The following PTN variants were observed in gnomAD, a reference collection of about 807,000 sequenced individuals.
PTN encodes pleiotrophin.
A neutral mutation model predicts 24.1 loss-of-function variants in PTN; 18 were observed. The observed-to-expected ratio is 0.75, with a 90% CI of 0.52 to 1.11. The LOEUF is 1.11. Among genes scored for constraint, PTN ranks in the 50% least tolerant of loss-of-function variants. The pLI is 0.00. For missense variants in PTN, 163 were observed against 198.8 expected (o/e 0.82, Z 1.08); for synonymous variants, 78 against 68.6 (o/e 1.14, Z -0.67).
chr7:137,267,368 G>C lies in PTN; in HGVS notation c.-1-12394C>G, dbSNP rs144933186. On this transcript the variant is annotated intron_variant, in intron 1 of 4. Coordinates refer to ENST00000348225, the MANE Select transcript of PTN (RefSeq NM_002825.7). ...TGGTCTTTCCTTGCCTCTGCCAGCC[G>C]CTTATGCTGCTGTTCTCTTAACTAC... Among the ~76,000 whole-genome samples the C allele has an allele frequency of 7.7e-3, 1,172 of 151,496 alleles. 9 individuals are homozygous for C. Among genetic ancestry groups the C allele is most frequent in the Middle Eastern group, 0.027 (8 of 294 alleles).
At chr7:137,258,932 C>T (rs6969972) in intron 1 of PTN, among the ~76,000 whole-genome samples, 6,831 of 151,896 alleles carry the variant, frequency 0.045, 528 homozygotes, top group African/African-American at 0.16. Flanking sequence ...TAAAATAGTG[C>T]GAGAATAAAG....
chr7:137,242,102 T>C (rs1808638595), intron 4 of PTN, among the ~76,000 whole-genome samples: 2 of 152,196 alleles, frequency 1.3e-5, no homozygotes, highest in African/African-American at 2.4e-5. Context: ...AGAATCTATT[T>C]AGCTGGGGAG....
At chr7:137,343,147 G>T (rs1585052868) in intron 1 of PTN, among the ~76,000 whole-genome samples, 1 of 152,230 alleles carries the variant, frequency 6.6e-6, no homozygotes. Context: ...ACCCTGTCTT[G>T]CTCTCCAGCT....
At chr7:137,311,245 A>G (rs1344819950) in intron 1 of PTN, among the ~76,000 whole-genome samples, 1 of 151,990 alleles carries the variant, frequency 6.6e-6, no homozygotes, top group East Asian at 1.9e-4. Flanking sequence ...AAAAAAAAAA[A>G]AAAAAGAATT....
intron 1 of PTN, among the ~76,000 whole-genome samples, chr7:137,298,710 T>C (rs915128738): frequency 1.1e-4 from 17 of 151,986 alleles, no homozygotes; most frequent in African/African-American, 4.1e-4. Context: ...TCCAACTCTG[T>C]CAACTCCCTT....
rs1224423032 is a variant in PTN at position 137,251,213 on chromosome 7, T to G, written c.451+17A>C. The G allele has an allele frequency of 6.2e-7, 1 of 1,613,080 alleles. No homozygotes were observed. The highest frequency in any genetic ancestry group is 2.2e-5 in the East Asian group (1 of 44,884). On this transcript the variant is annotated intron_variant, in intron 4 of 4. Transcript: ENST00000348225. ...CCATCAATCCATTAAAATTGTGGTA[T>G]AATGGCAAGGACTTACCTTGAGGTT...
chr7:137,269,004 A>T (rs1044098695), intron 1 of PTN, among the ~76,000 whole-genome samples: 3 of 152,162 alleles, frequency 2.0e-5, no homozygotes, highest in African/African-American at 4.8e-5. Context: ...TTTCTTGAGC[A>T]TATTCAGAAA....
intron 1 of PTN, among the ~76,000 whole-genome samples, chr7:137,334,129 T>C (rs552590420): frequency 4.6e-5 from 7 of 151,896 alleles, no homozygotes; most frequent in South Asian, 2.1e-4. Context: ...GACATAGGCA[T>C]GGGCAAGGAC....
chr7:137,343,128 C>T (rs568733786), intron 1 of PTN, among the ~76,000 whole-genome samples: 1 of 152,334 alleles, frequency 6.6e-6, no homozygotes, highest in African/African-American at 2.4e-5. Flanking sequence ...AAGATGCACT[C>T]TCCAGCCCAC....
chr7:137,313,355 T>C (rs1317713383), intron 1 of PTN, among the ~76,000 whole-genome samples: 2 of 152,242 alleles, frequency 1.3e-5, no homozygotes, highest in Non-Finnish European at 2.9e-5. Flanking sequence ...AGGGAATTGC[T>C]GTTCAGATGC....
intron 1 of PTN, among the ~76,000 whole-genome samples, chr7:137,276,004 C>T (rs1249052743): frequency 6.6e-6 from 1 of 152,148 alleles, no homozygotes; most frequent in East Asian, 1.9e-4. Flanking sequence ...AATTCACTGC[C>T]ATACAACTAA....
At chr7:137,253,692 A>C in intron 2 of PTN, 55 bp from the exon 3 acceptor site, 1 of 1,379,810 alleles carries the variant, frequency 7.2e-7, no homozygotes, top group Non-Finnish European at 9.5e-7. Flanking sequence ...TAACTTCCAG[A>C]TATAACCAAG....
chr7:137,231,665 T>C (rs1808428940), intron 4 of PTN, among the ~76,000 whole-genome samples: 1 of 151,966 alleles, frequency 6.6e-6, no homozygotes, highest in Admixed American at 6.6e-5. Context: ...AAATGAATAC[T>C]TGAATGGGAA....
intron 4 of PTN, among the ~76,000 whole-genome samples, chr7:137,243,515 C>T (rs1302534805): frequency 1.3e-5 from 2 of 152,176 alleles, no homozygotes; most frequent in Non-Finnish European, 2.9e-5. Context: ...CATTCTTGCA[C>T]ACTGTGGTAG....
chr7:137,322,412 G>A (rs12535439), intron 1 of PTN, among the ~76,000 whole-genome samples: 59,768 of 151,938 alleles, frequency 0.39, 13,050 homozygotes, highest in South Asian at 0.54. Flanking sequence ...CTTTCAAAGT[G>A]TTTATATTTG....
chr7:137,263,715 CCCAGGAGTTTG>C (rs1809084253), intron 1 of PTN, among the ~76,000 whole-genome samples: 1 of 152,034 alleles, frequency 6.6e-6, no homozygotes, highest in South Asian at 2.1e-4. Context: ...GACAGGGAAG[CCCAGGAGTTTG>C]CCTCTTTTTA....
chr7:137,317,854 A>G (rs149502276), intron 1 of PTN, among the ~76,000 whole-genome samples: 150 of 152,296 alleles, frequency 9.8e-4, no homozygotes, highest in East Asian at 8.1e-3. Context: ...GTGACCAAAG[A>G]CAGGTGAGCG....
chr7:137,251,908 A>G (rs1191237132), intron 3 of PTN, among the ~76,000 whole-genome samples: 1 of 151,706 alleles, frequency 6.6e-6, no homozygotes, highest in Non-Finnish European at 1.5e-5. Context: ...GTCCCAATGT[A>G]CCCCAGTTTG....
At chr7:137,256,988 T>A (rs2128871841) in intron 1 of PTN, among the ~76,000 whole-genome samples, 1 of 152,218 alleles carries the variant, frequency 6.6e-6, no homozygotes, top group African/African-American at 2.4e-5. Flanking sequence ...AGAATGGCAA[T>A]TATTAAAAAG....
Sources: gnomAD v4.1 joint callset for allele counts (sites outside exome capture counted in the v4.1 genomes callset) on GRCh38, gnomAD v4.1.1 for gene constraint, MANE v1.5 for transcripts, NCBI Gene and HGNC (gene_info 2026-07-23, HGNC 2026-07-21) for gene names.